IMPACT: variants seen among roughly 807,000 people sequenced by gnomAD.
IMPACT encodes the protein protein IMPACT.
Under a neutral mutation model 47.5 loss-of-function variants are expected in IMPACT, and 35 were observed. The observed-to-expected ratio is 0.74, with a 90% confidence interval of 0.56 to 0.98. The LOEUF (loss-of-function observed/expected upper bound fraction) is 0.98, where lower values mean the gene tolerates loss of function less well. Ranked by LOEUF, IMPACT falls within the 50% of genes least tolerant of loss-of-function variation. IMPACT has a pLI of 0.00. For synonymous variants in IMPACT, 118 were observed against 125.6 expected (o/e 0.94, Z 0.40); for missense variants, 373 against 394.8 (o/e 0.94, Z 0.47).
At chr18:24,449,569 C>A (rs1171399327) in intron 9 of IMPACT, among the ~76,000 whole-genome samples, 3 of 152,090 alleles carry the variant, frequency 2.0e-5, no homozygotes, top group African/African-American at 7.2e-5. Flanking sequence ...CCAGTTGCCC[C>A]AAATCTGGGA....
intron 2 of IMPACT, 119 bp downstream of exon 2, chr18:24,428,166 A>G: frequency 2.2e-6 from 2 of 908,540 alleles, no homozygotes; most frequent in Non-Finnish European, 3.3e-6. Flanking sequence ...GCTTTTCTCA[A>G]TGATTAAACA....
rs1908615033 is a variant in IMPACT, at chr18:24,426,700, C to G, written c.-57C>G. On this transcript the variant is annotated 5_prime_UTR_variant, in exon 1 of 11. Coordinates refer to ENST00000284202, the MANE Select transcript of IMPACT (RefSeq NM_018439.4). ...GCTCTCGGCTCGCAGCCGCAGCGCC[C>G]CGCCCCCGCGCTCCGGACCTGGCAG... 9.9e-6 allele frequency: 12 copies of G among 1,210,866 alleles called. No homozygotes were observed. Among genetic ancestry groups the G allele is most frequent in the African/African-American group, 1.6e-5 (1 of 63,636 alleles). The allele number at this position is 1,210,866 out of a possible 1,614,324, so 75.0% of individuals were successfully genotyped here.
intron 4 of IMPACT, among the ~76,000 whole-genome samples, chr18:24,434,916 A>G (rs1331122133): frequency 1.4e-5 from 2 of 146,498 alleles, no homozygotes; most frequent in South Asian, 2.1e-4. Context: ...GTGTGTGTAT[A>G]TATATATATA....
In IMPACT at chr18:24,443,075, A is replaced by G. The variant is rs2144344883; in HGVS notation, c.517A>G (p.Ile173Val). The G allele has an allele frequency of 6.3e-7, 1 of 1,599,382 alleles. No homozygotes were observed. Among genetic ancestry groups the G allele is most frequent in the East Asian group, 2.3e-5 (1 of 44,392 alleles). The change falls in exon 7 of 11, where the codon ATT becomes GTT. Residue 173 changes from isoleucine (I) to valine (V), a missense_variant. Coordinates refer to ENST00000284202, the MANE Select transcript of IMPACT (RefSeq NM_018439.4). ...AGTAGAAGTAGAAGAATTACCTCCG[A>G]TTGATCATGGCATTCCTATTACAGA... ...TEVEVEELPP[I>V]DHGIPITDRR...
chr18:24,427,144 C>A, intron 1 of IMPACT: 1 of 252,108 alleles, frequency 4.0e-6, no homozygotes, highest in Non-Finnish European at 7.5e-6. Flanking sequence ...CGGGTTTCCC[C>A]CTTTGCAAAA....
intron 6 of IMPACT, 61 bp downstream of exon 6, chr18:24,440,679 C>CCTG: frequency 7.5e-7 from 1 of 1,332,000 alleles, no homozygotes; most frequent in South Asian, 1.7e-5. Flanking sequence ...ATGTATTGTT[C>CCTG]TTTGAGATGA....
intron 5 of IMPACT, among the ~76,000 whole-genome samples, chr18:24,438,445 T>C (rs745498177): frequency 9.2e-5 from 14 of 152,250 alleles, no homozygotes; most frequent in Non-Finnish European, 1.6e-4. Flanking sequence ...TTGCTTTCCA[T>C]TGTTGTTTCT....
At chr18:24,432,991 G>T (rs1036589564) in intron 4 of IMPACT, among the ~76,000 whole-genome samples, 1 of 152,128 alleles carries the variant, frequency 6.6e-6, no homozygotes, top group South Asian at 2.1e-4. Flanking sequence ...CCCACAGGAC[G>T]CAACTTTCCT....
At chr18:24,431,883 G>T (rs545586901) in intron 4 of IMPACT, among the ~76,000 whole-genome samples, 1 of 152,236 alleles carries the variant, frequency 6.6e-6, no homozygotes, top group East Asian at 1.9e-4. Flanking sequence ...TGTATTTTTA[G>T]TAGAGGCGGA....
At chr18:24,436,223 A>AT (rs1908936637) in intron 4 of IMPACT, among the ~76,000 whole-genome samples, 1 of 152,024 alleles carries the variant, frequency 6.6e-6, no homozygotes, top group Non-Finnish European at 1.5e-5. Context: ...AGCAGCTATC[A>AT]TTTTTTTGTT....
rs761400864 is a variant in IMPACT, at chr18:24,440,492, A to C, written c.368-4A>C. On this transcript the variant is annotated splice_polypyrimidine_tract_variant and splice_region_variant and intron_variant, in intron 5 of 10. Coordinates refer to ENST00000284202, the MANE Select transcript of IMPACT (RefSeq NM_018439.4). ...TAAAGTAATTGTGTCTCATATTCAC[A>C]TAGGCCCAGATGTAAAGAAGAAAAC... The C allele has an allele frequency of 6.2e-7, 1 of 1,611,152 alleles. No individual in the cohort carries two copies. The highest frequency in any genetic ancestry group is 1.7e-5 in the Admixed American group (1 of 59,330).
rs1909426132 is a variant in IMPACT at position 24,453,027 on chromosome 18, A to C, written c.*2180A>C. 1.3e-5 allele frequency: 2 copies of C among 152,098 alleles called. No individual in the cohort carries two copies. Among genetic ancestry groups the C allele is most frequent in the African/African-American group, 2.4e-5 (1 of 41,400 alleles). The allele number at this position is 152,098 out of a possible 1,614,324, so 9.4% of individuals were successfully genotyped here. A position where few individuals can be genotyped will look rare whatever the true frequency, so the allele number is the denominator to read the frequency against. On this transcript the variant is annotated 3_prime_UTR_variant, in exon 11 of 11. Coordinates refer to ENST00000284202, the MANE Select transcript of IMPACT (RefSeq NM_018439.4). ...CCTGGCCTCAATCGATCTTCCTGCC[A>C]AGGTTTTGGAATTACAGGTGTGAGC...
intron 4 of IMPACT, among the ~76,000 whole-genome samples, chr18:24,436,241 A>C (rs181619952): frequency 6.6e-6 from 1 of 152,100 alleles, no homozygotes; most frequent in East Asian, 1.9e-4. Flanking sequence ...GTTCTTTAAA[A>C]ATTTTATTTT....
At chr18:24,426,994 C>T (rs1231365165) in intron 1 of IMPACT, 6 of 399,204 alleles carry the variant, frequency 1.5e-5, no homozygotes, top group Admixed American at 4.4e-5. Context: ...CCTCGGCGGC[C>T]GCGGTCTCGG....
At position 24,440,426 on chromosome 18, in the gene IMPACT, A is replaced by G. The variant is rs796389428; in HGVS notation, c.368-70A>G. The G allele has an allele frequency of 5.9e-6, 9 of 1,532,522 alleles. 1 individual carries two copies. In the African/African-American group the frequency reaches 1.3e-4, roughly 21 times the overall value. The allele number at this position is 1,532,522 out of a possible 1,614,324, so 94.9% of individuals were successfully genotyped here. A position where few individuals can be genotyped will look rare whatever the true frequency, so the allele number is the denominator to read the frequency against. Reference sequence around the variant, plus strand: ...GAGTGGTATTTAGAACCCAAGACCCAGTGATTTTTTTTTAAAAAGCATCGT... The same window carrying G: ...GAGTGGTATTTAGAACCCAAGACCCGGTGATTTTTTTTTAAAAAGCATCGT... On this transcript the variant is annotated intron_variant, in intron 5 of 10. Transcript: ENST00000284202.
intron 10 of IMPACT, among the ~76,000 whole-genome samples, chr18:24,450,405 C>T (rs1909353795): frequency 6.6e-6 from 1 of 152,062 alleles, no homozygotes; most frequent in Non-Finnish European, 1.5e-5. Context: ...TTCCTTTATA[C>T]TTTGAGTTTA....
chr18:24,429,187 T>C (rs940961323), intron 3 of IMPACT, among the ~76,000 whole-genome samples: 3 of 152,150 alleles, frequency 2.0e-5, no homozygotes, highest in African/African-American at 7.2e-5. Context: ...GAAGGAAACC[T>C]TCCTCTTTAG....
chr18:24,443,228 G>GT, intron 7 of IMPACT, 76 bp downstream of exon 7: 1 of 644,924 alleles, frequency 1.6e-6, no homozygotes, highest in Non-Finnish European at 2.7e-6. Flanking sequence ...TAATCCCCTT[G>GT]TTTTTACTTT....
At chr18:24,428,164 CAAT>C in intron 2 of IMPACT, 117 bp downstream of exon 2, 2 of 979,652 alleles carry the variant, frequency 2.0e-6, no homozygotes, top group Non-Finnish European at 3.0e-6. Flanking sequence ...TGGCTTTTCT[CAAT>C]GATTAAACAC....
Sources: gnomAD v4.1 joint callset for allele counts (sites outside exome capture counted in the v4.1 genomes callset) on GRCh38, gnomAD v4.1.1 for gene constraint, MANE v1.5 for transcripts, NCBI Gene and HGNC (gene_info 2026-07-23, HGNC 2026-07-21) for gene names.